The following PDLIM5 variants were observed in gnomAD, a reference collection of about 807,000 sequenced individuals.
The protein encoded by PDLIM5 is PDZ and LIM domain protein 5.
In PDLIM5, 34 loss-of-function variants were observed where a neutral mutation model predicts 64.2. The observed-to-expected ratio is 0.53, with a 90% CI of 0.40 to 0.71. The LOEUF (loss-of-function observed/expected upper bound fraction) is 0.71. Ranked by LOEUF, PDLIM5 falls within the 30% of genes least tolerant of loss-of-function variation. The pLI is 0.00. For synonymous variants in PDLIM5, 253 were observed against 269.1 expected, an observed-to-expected ratio of 0.94 and a Z score of 0.59; for missense variants, 683 against 733.6, an observed-to-expected ratio of 0.93 and a Z score of 0.80.
At chr4:94,552,278 ATATAT>A (rs1459471622) in intron 3 of PDLIM5, among the ~76,000 whole-genome samples, 3 of 152,172 alleles carry the variant, frequency 2.0e-5, no homozygotes, top group Non-Finnish European at 4.4e-5. Flanking sequence ...TGACAATGTA[ATATAT>A]ACTCTAGTAT....
intron 3 of PDLIM5, among the ~76,000 whole-genome samples, chr4:94,556,174 C>T (rs1406223095): frequency 4.6e-5 from 7 of 151,378 alleles, no homozygotes; most frequent in African/African-American, 1.5e-4. Context: ...TTTGTCCTTG[C>T]GATAGTTTGC....
At position 94,586,426 on chromosome 4, in the gene PDLIM5, A is replaced by C; in HGVS notation, c.902A>C (p.Asp301Ala). The change falls in exon 7 of 13, where the codon GAT becomes GCT. Residue 301 changes from aspartate to alanine, a missense_variant. Asp to Ala is a moderately radical substitution (Grantham distance 126, BLOSUM62 -2). Transcript: ENST00000317968. ...ATTTCAGTGAAAGAATCTGAAGCCG[A>C]TAATACAAAGAAGGCAAAGTAAGTT... Reference protein sequence around the residue: ...GTEHLKESEADNTKKANNSQE... With the variant: ...GTEHLKESEAANTKKANNSQE... 1 of 1,523,382 alleles carries C rather than the reference A, an allele frequency of 6.6e-7. No homozygotes were observed. Among genetic ancestry groups the C allele is most frequent in the Non-Finnish European group, 9.1e-7 (1 of 1,102,424 alleles). 94.4% of individuals were successfully genotyped at this position (1,523,382 alleles called of 1,614,324 possible). A position where few individuals can be genotyped will look rare whatever the true frequency, so the allele number is the denominator to read the frequency against.
chr4:94,660,089 G>A (rs1027712483), intron 11 of PDLIM5, among the ~76,000 whole-genome samples: 15 of 151,712 alleles, frequency 9.9e-5, no homozygotes, highest in Non-Finnish European at 1.5e-4. Flanking sequence ...GTGGAGACGG[G>A]GTTTCACCAT....
intron 9 of PDLIM5, among the ~76,000 whole-genome samples, chr4:94,654,222 G>A (rs1390314865): frequency 6.6e-6 from 1 of 152,092 alleles, no homozygotes; most frequent in African/African-American, 2.4e-5. Flanking sequence ...GGCAGAAAAA[G>A]GGTGGGGAGT....
intron 11 of PDLIM5, among the ~76,000 whole-genome samples, chr4:94,658,150 C>G (rs1403976958): frequency 6.6e-6 from 1 of 152,174 alleles, no homozygotes; most frequent in African/African-American, 2.4e-5. Context: ...TACCTTAAGT[C>G]CACTTCTTGT....
chr4:94,632,153 T>G (rs1195223411), intron 8 of PDLIM5, among the ~76,000 whole-genome samples: 2 of 152,246 alleles, frequency 1.3e-5, no homozygotes, highest in African/African-American at 4.8e-5. Context: ...TATAATTGAC[T>G]GTTTACTGGC....
chr4:94,539,427 GA>G (rs1018246237), intron 3 of PDLIM5, among the ~76,000 whole-genome samples: 1 of 150,606 alleles, frequency 6.6e-6, no homozygotes, highest in African/African-American at 2.4e-5. Context: ...ATATATGAAG[GA>G]AAAAAAACAC....
intron 7 of PDLIM5, 46 bp from the exon 8 acceptor site, chr4:94,617,957 TA>T: frequency 9.9e-7 from 1 of 1,006,604 alleles, no homozygotes; most frequent in South Asian, 2.2e-5. Flanking sequence ...ATTGCTGAGT[TA>T]CGTTGCTACC....
At chr4:94,529,943 T>TA (rs1338678239) in intron 3 of PDLIM5, among the ~76,000 whole-genome samples, 1 of 152,204 alleles carries the variant, frequency 6.6e-6, no homozygotes, top group Non-Finnish European at 1.5e-5. Flanking sequence ...TTTTTAAAAT[T>TA]ACATTATTTC....
At chr4:94,453,654 G>A (rs1041992550) in intron 1 of PDLIM5, among the ~76,000 whole-genome samples, 12 of 152,160 alleles carry the variant, frequency 7.9e-5, no homozygotes, top group Non-Finnish European at 1.6e-4. Context: ...ACACGATTCT[G>A]ATTTGTATCG....
intron 3 of PDLIM5, among the ~76,000 whole-genome samples, chr4:94,547,164 C>A (rs908094242): frequency 1.3e-5 from 2 of 152,120 alleles, no homozygotes; most frequent in Non-Finnish European, 2.9e-5. Flanking sequence ...TTTCCTATTG[C>A]TGCTGTAACA....
rs566970759 is a variant in PDLIM5, at chr4:94,618,635, T to C, written c.1108+444T>C. Among the ~76,000 whole-genome samples the C allele has an allele frequency of 1.2e-4, 19 of 152,306 alleles. No homozygotes were observed. The South Asian group carries it at 3.9e-3, about 32-fold the overall frequency. ...TCTTGTTCTTACAGTTTATGTAGCA[T>C]AGGGGAAGAAGGACACAGTACTAGA... is the stretch of plus-strand genomic sequence containing the variant. On this transcript the variant is annotated intron_variant, in intron 8 of 12. Transcript: ENST00000317968.
intron 4 of PDLIM5, among the ~76,000 whole-genome samples, chr4:94,574,828 G>A (rs1735113817): frequency 6.6e-6 from 1 of 151,832 alleles, no homozygotes; most frequent in African/African-American, 2.4e-5. Flanking sequence ...TGCTGACGAT[G>A]GGGAAATATT....
At position 94,618,139 on chromosome 4, in the gene PDLIM5, A is replaced by G; in HGVS notation, c.1056A>G (p.Val352=). 5 of 1,611,488 alleles carry G rather than the reference A, an allele frequency of 3.1e-6. No individual in the cohort carries two copies. The highest frequency in any genetic ancestry group is 4.2e-6 in the Non-Finnish European group (5 of 1,178,784). ...CAGCTGCAGCTGCCTTCAAGCCTGT[A>G]GGATCCACTGGCGTCATCAAGTCAC... is the stretch of plus-strand genomic sequence containing the variant. ...SLTAAAAFKP[V]GSTGVIKSPS... Residue 352 remains valine, a synonymous_variant, in exon 8 of 13, where the codon GTA becomes GTG. Coordinates refer to ENST00000317968, the MANE Select transcript of PDLIM5 (RefSeq NM_006457.5).
At chr4:94,456,697 A>G in intron 2 of PDLIM5, 12 of 1,328,480 alleles carry the variant, frequency 9.0e-6, no homozygotes, top group Non-Finnish European at 1.1e-5. Flanking sequence ...GTGAATACCA[A>G]ATATAAGTAC....
chr4:94,583,536 G>C (rs968613743), intron 5 of PDLIM5, among the ~76,000 whole-genome samples: 14 of 152,238 alleles, frequency 9.2e-5, no homozygotes, highest in African/African-American at 3.1e-4. Context: ...AGAGTTGTCT[G>C]TTTTATGGCT....
intron 4 of PDLIM5, among the ~76,000 whole-genome samples, chr4:94,574,956 CAAGA>C (rs2110282947): frequency 6.7e-6 from 1 of 148,820 alleles, no homozygotes; most frequent in Non-Finnish European, 1.5e-5. Context: ...AGGTGGATTA[CAAGA>C]AAGAAAGGAT....
intron 2 of PDLIM5, chr4:94,456,426 G>T: frequency 2.9e-6 from 2 of 691,518 alleles, no homozygotes; most frequent in South Asian, 3.0e-5. Flanking sequence ...TTGAACTCCC[G>T]ACCTCAGGTG....
chr4:94,509,524 T>C (rs1728680656), intron 2 of PDLIM5, among the ~76,000 whole-genome samples: 1 of 152,216 alleles, frequency 6.6e-6, no homozygotes, highest in African/African-American at 2.4e-5. Context: ...AAGTATTTGT[T>C]GAATGATAGA....
Sources: gnomAD v4.1 joint callset for allele counts (sites outside exome capture counted in the v4.1 genomes callset) on GRCh38, gnomAD v4.1.1 for gene constraint, MANE v1.5 for transcripts, NCBI Gene and HGNC (gene_info 2026-07-23, HGNC 2026-07-21) for gene names.